The following LSS variants were observed in gnomAD, a reference collection of about 807,000 sequenced individuals.
LSS encodes lanosterol synthase, also known as 2,3-epoxysqualene-lanosterol cyclase.
A neutral mutation model predicts 110.3 loss-of-function variants in LSS; 90 were observed. The observed-to-expected ratio is 0.82, with a 90% CI of 0.69 to 0.97. The LOEUF (loss-of-function observed/expected upper bound fraction) is 0.97, where lower values mean the gene tolerates loss of function less well. LSS is among the 50% of genes least tolerant of loss of function. The probability of loss-of-function intolerance (pLI) is 0.00; values close to 1 mark genes in which losing one functional copy is unlikely to be tolerated. For missense variants in LSS, 927 were observed against 990.0 expected (o/e 0.94, Z 0.85); for synonymous variants, 433 against 400.0 (o/e 1.08, Z -0.98).
At chr21:46,211,890 G>T (rs933431228) in intron 11 of LSS, among the ~76,000 whole-genome samples, 1 of 152,214 alleles carries the variant, frequency 6.6e-6, no homozygotes, top group Non-Finnish European at 1.5e-5. Flanking sequence ...GTGCAGGCCT[G>T]GCCTGAATCC....
chr21:46,210,551 A>C, intron 12 of LSS, 137 bp downstream of exon 12: 2 of 875,440 alleles, frequency 2.3e-6, no homozygotes, highest in Non-Finnish European at 1.8e-6. Flanking sequence ...CTCTGAAGCC[A>C]GAGGCCAGAG....
chr21:46,208,362 C>G lies in LSS; in HGVS notation c.1267-61G>C, dbSNP rs1261466371. The G allele has an allele frequency of 2.9e-6, 4 of 1,395,320 alleles. No homozygotes were observed. In the East Asian group the frequency reaches 7.5e-5, roughly 26 times the overall value. The allele number at this position is 1,395,320 out of a possible 1,614,324, so 86.4% of individuals were successfully genotyped here. On this transcript the variant is annotated intron_variant, in intron 13 of 21. Transcript: ENST00000397728. ...ACACGTCACCACGGGACGTCCCCAT[C>G]TGGGACATCGCTGAGACAGACTGGG...
rs534194571 is a variant in LSS at position 46,203,568 on chromosome 21, T to C, written c.1670+2268A>G. Among the ~76,000 whole-genome samples the C allele has an allele frequency of 2.0e-5, 3 of 152,384 alleles. No individual in the cohort carries two copies. In the East Asian group the frequency reaches 5.8e-4, roughly 29 times the overall value. On this transcript the variant is annotated intron_variant, in intron 17 of 21. Coordinates refer to ENST00000397728, the MANE Select transcript of LSS (RefSeq NM_002340.6). ...GCTTTACTTTTATTACAGTGATTTT[T>C]AAAAGATGATCTATTTTTTAAAAGG...
rs182004530 is a variant in LSS at position 46,212,603 on chromosome 21, C to T, written c.1137+422G>A. 4.2e-3 allele frequency among the ~76,000 whole-genome samples: 640 copies of T among 152,348 alleles called. 7 individuals carry two copies. Among genetic ancestry groups the T allele is most frequent in the Non-Finnish European group, 3.2e-3 (217 of 68,032 alleles). On this transcript the variant is annotated intron_variant, in intron 11 of 21. Transcript: ENST00000397728. ...GTCCACGGGGAGCTCCCAGGCCCGGCCACACGCCACCACGGTCCTCCAGGC... is the reference window on the plus strand; with the variant it reads ...GTCCACGGGGAGCTCCCAGGCCCGGTCACACGCCACCACGGTCCTCCAGGC...
intron 17 of LSS, among the ~76,000 whole-genome samples, chr21:46,203,342 C>G (rs2080004055): frequency 6.6e-6 from 1 of 152,220 alleles, no homozygotes; most frequent in South Asian, 2.1e-4. Context: ...ACTGCTCGTG[C>G]TGGAGGAGCG....
chr21:46,213,825 GT>G lies in LSS; in HGVS notation c.1021del (p.Thr341ProfsTer36), dbSNP rs746772651. The G allele has an allele frequency of 2.1e-5, 34 of 1,613,568 alleles. No homozygotes were observed. The highest frequency in any genetic ancestry group is 2.7e-5 in the Non-Finnish European group (32 of 1,179,750). On this transcript the variant is annotated frameshift_variant, in exon 10 of 22. Transcript: ENST00000397728. ...ATACCAGCGCACAAGCATGTTGATG[GT>G]TTTCGAGATCTGCAGGAGAGACAGC... Reference protein sequence around the residue: ...KSISIGPISKTINMLVRWYVD... With the variant: ...KSISIGPISKXINMLVRWYVD...
intron 17 of LSS, among the ~76,000 whole-genome samples, chr21:46,204,226 C>T (rs910267625): frequency 3.3e-5 from 5 of 152,078 alleles, no homozygotes; most frequent in African/African-American, 9.7e-5. Flanking sequence ...ACCCCGGAAA[C>T]GGAGGTTGCA....
chr21:46,220,565 T>C (rs1409858282), intron 5 of LSS: 2 of 153,404 alleles, frequency 1.3e-5, no homozygotes, highest in African/African-American at 2.4e-5. Context: ...CCCCTGCGCA[T>C]GCAGCAGAGA....
chr21:46,219,375 C>T, intron 6 of LSS, 101 bp downstream of exon 6: 2 of 739,888 alleles, frequency 2.7e-6, no homozygotes, highest in South Asian at 4.6e-5. Context: ...GAATGCCCAC[C>T]CCTCTCTGCT....
intron 20 of LSS, chr21:46,193,135 G>A (rs778059136): frequency 2.5e-5 from 11 of 441,720 alleles, no homozygotes; most frequent in South Asian, 4.8e-5. Context: ...GCATGCATAC[G>A]TGTGTGCATA....
chr21:46,204,281 C>T (rs768395052), intron 17 of LSS, among the ~76,000 whole-genome samples: 1 of 151,902 alleles, frequency 6.6e-6, no homozygotes, highest in Non-Finnish European at 1.5e-5. Flanking sequence ...AGCAACAGAG[C>T]AAGACTCCAT....
chr21:46,225,009 G>A lies in LSS; in HGVS notation c.320-2271C>T, dbSNP rs1266367488. ...CACATGGCTGTAATCCCAGCTACTC[G>A]AGAGGCTGTGGGTGGCAAGCCACCT... On this transcript the variant is annotated intron_variant, in intron 3 of 21. Coordinates refer to ENST00000397728, the MANE Select transcript of LSS (RefSeq NM_002340.6). Among the ~76,000 whole-genome samples, 4 of 152,122 alleles carry A rather than the reference G, an allele frequency of 2.6e-5. No homozygotes were observed. In the East Asian group the frequency reaches 7.7e-4, roughly 29 times the overall value.
In LSS at chr21:46,216,642, C is replaced by T. The variant is rs142294160; in HGVS notation, c.648-118G>A. ...ACTGGTGGATGGCTATTCCCCACCA[C>T]GTCAGTGCATCTGCGGGCATTTCCC... On this transcript the variant is annotated intron_variant, in intron 6 of 21. Transcript: ENST00000397728. The surrounding 1 kb of genome is among the most constrained non-coding windows in gnomAD (Gnocchi z 4.2). 4.8e-4 allele frequency: 611 copies of T among 1,281,438 alleles called. 3 individuals carry two copies. In the African/African-American group the frequency reaches 8.0e-3, roughly 17 times the overall value. 79.4% of individuals were successfully genotyped at this position (1,281,438 alleles called of 1,614,324 possible).
At chr21:46,194,866 G>A (rs549610999) in intron 19 of LSS, among the ~76,000 whole-genome samples, 11 of 152,352 alleles carry the variant, frequency 7.2e-5, no homozygotes, top group African/African-American at 2.2e-4. Flanking sequence ...TCCCAGAGTC[G>A]CTGGGAAGAC....
At chr21:46,227,297 C>T in intron 3 of LSS, 4 of 477,102 alleles carry the variant, frequency 8.4e-6, no homozygotes, top group Non-Finnish European at 1.5e-5. Flanking sequence ...CTTCCTCCTC[C>T]CTCAAGGCAA....
intron 18 of LSS, 104 bp downstream of exon 18, chr21:46,196,098 G>T: frequency 8.5e-7 from 1 of 1,176,798 alleles, no homozygotes; most frequent in Non-Finnish European, 1.2e-6. Flanking sequence ...AGAAACTTCT[G>T]GTGTAGCAAC....
rs140196762 is a variant in LSS at position 46,221,896 on chromosome 21, C to T, written c.508G>A (p.Asp170Asn). The T allele has an allele frequency of 7.4e-6, 12 of 1,614,020 alleles. No individual in the cohort carries two copies. Among genetic ancestry groups the T allele is most frequent in the East Asian group, 2.2e-5 (1 of 44,888 alleles). ...TTCCGGGCTCGTACCAGGTCAGGATCGTCAGGCCCAACACCCAGAATTCTG... is the reference window on the plus strand; with the variant it reads ...TTCCGGGCTCGTACCAGGTCAGGATTGTCAGGCCCAACACCCAGAATTCTG... The part of the protein sequence containing the change: ...SLRILGVGPD[D>N]PDLVRARNIL... Residue 170 changes from aspartate (D) to asparagine (N), a missense_variant, in exon 5 of 22, where the codon GAT becomes AAT. By Grantham distance (23) the Asp-to-Asn change is conservative (BLOSUM62 1). Coordinates refer to ENST00000397728, the MANE Select transcript of LSS (RefSeq NM_002340.6).
rs1454669551 is a variant in LSS at position 46,213,817 on chromosome 21, T to C, written c.1030A>G (p.Met344Val). Residue 344 changes from methionine to valine, a missense_variant, in exon 10 of 22, where the codon ATG (methionine) becomes GTG (valine). Physicochemically the swap from Met to Val is conservative, Grantham distance 21 (BLOSUM62 1). Coordinates refer to ENST00000397728, the MANE Select transcript of LSS (RefSeq NM_002340.6). ...SIGPISKTIN[M>V]LVRWYVDGPA... ...CCGTCCACATACCAGCGCACAAGCA[T>C]GTTGATGGTTTTCGAGATCTGCAGG... 1 of 1,613,830 alleles carries C rather than the reference T, an allele frequency of 6.2e-7. No homozygotes were observed. Among genetic ancestry groups the C allele is most frequent in the South Asian group, 1.1e-5 (1 of 91,042 alleles).
At chr21:46,226,287 T>C (rs183030030) in intron 3 of LSS, among the ~76,000 whole-genome samples, 3 of 152,306 alleles carry the variant, frequency 2.0e-5, no homozygotes, top group African/African-American at 4.8e-5. Context: ...ACTGTGCACA[T>C]GACCAAACCT....
Sources: allele counts gnomAD v4.1 joint callset (sites outside exome capture counted in the v4.1 genomes callset), GRCh38; gene constraint gnomAD v4.1.1; non-coding constraint Gnocchi (gnomAD v3.1); transcripts MANE v1.5; gene names NCBI Gene and HGNC (gene_info 2026-07-23, HGNC 2026-07-21).